The following HNF4G variants were observed in gnomAD, a reference collection of about 807,000 sequenced individuals.
The protein encoded by HNF4G is hepatocyte nuclear factor 4 gamma.
A neutral mutation model predicts 50.9 loss-of-function variants in HNF4G; 21 were observed. The observed-to-expected ratio is 0.41, with a 90% CI of 0.29 to 0.59. HNF4G has a LOEUF of 0.59. Among genes scored for constraint, HNF4G ranks in the 20% least tolerant of loss-of-function variants. HNF4G has a pLI of 0.26. For synonymous variants in HNF4G, 198 were observed against 185.6 expected (o/e 1.07, Z -0.54); for missense variants, 527 against 559.4 (o/e 0.94, Z 0.58).
upstream of HNF4G, among the ~76,000 whole-genome samples, chr8:75,537,410 GT>G (rs1222732676): frequency 3.3e-5 from 5 of 151,880 alleles, no homozygotes; most frequent in Admixed American, 2.0e-4. Context: ...CGCCTGTCTA[GT>G]TTTTTTGTAT....
chr8:75,419,936 GA>G lies in HNF4G; in HGVS notation c.-144+11776del, dbSNP rs145295036. ...CACTTAACTTTCATAGGATTCCTGA[GA>G]ATCTTCAGTTGAACAACATATATAA... is the stretch of plus-strand genomic sequence containing the variant. On this transcript the variant is annotated intron_variant, in intron 1 of 10. Transcript: ENST00000354370. Among the ~76,000 whole-genome samples the G allele has an allele frequency of 5.3e-3, 810 of 152,254 alleles. 8 individuals carry two copies. The highest frequency in any genetic ancestry group is 0.018 in the African/African-American group (753 of 41,548).
At chr8:75,514,470 A>G (rs1217086079) in intron 2 of HNF4G, among the ~76,000 whole-genome samples, 1 of 148,088 alleles carries the variant, frequency 6.8e-6, no homozygotes, top group African/African-American at 2.5e-5. Flanking sequence ...CTCCTGCCTC[A>G]GCCTCCCAAG....
intron 1 of HNF4G, among the ~76,000 whole-genome samples, chr8:75,419,310 T>C (rs1043737839): frequency 1.6e-4 from 25 of 152,316 alleles, no homozygotes; most frequent in African/African-American, 5.8e-4. Flanking sequence ...GTTCAGGTCC[T>C]CATACAGGCA....
chr8:75,474,139 C>T (rs982622658), intron 1 of HNF4G, among the ~76,000 whole-genome samples: 7 of 152,018 alleles, frequency 4.6e-5, no homozygotes, highest in Admixed American at 3.3e-4. Flanking sequence ...TTCCTTCTCC[C>T]CTGAAATCTA....
intron 1 of HNF4G, among the ~76,000 whole-genome samples, chr8:75,470,020 ATAC>A (rs1259446000): frequency 6.6e-6 from 1 of 152,172 alleles, no homozygotes; most frequent in East Asian, 1.9e-4. Context: ...ACTACATGGA[ATAC>A]TGACGTCAAA....
chr8:75,502,102 C>T (rs959123914), intron 2 of HNF4G, among the ~76,000 whole-genome samples: 12 of 152,278 alleles, frequency 7.9e-5, no homozygotes, highest in Middle Eastern at 6.8e-3. Context: ...CCACCTGCCT[C>T]GGCCTCCCAA....
intron 1 of HNF4G, among the ~76,000 whole-genome samples, chr8:75,443,139 G>C (rs976016324): frequency 1.3e-5 from 2 of 152,132 alleles, no homozygotes; most frequent in Non-Finnish European, 2.9e-5. Flanking sequence ...CCATGTGAGG[G>C]AACAGGAGAA....
At position 75,521,186 on chromosome 8, in the gene HNF4G, A is replaced by T. The variant is rs141457189; in HGVS notation, c.-23-22625A>T. The stretch of plus-strand genomic sequence containing the variant: ...TTTGGAGATTAATCAGATCAGGTTT[A>T]AAACTGTTAAAAAGTAACAAATATT... On this transcript the variant is annotated intron_variant, in intron 2 of 10. Transcript: ENST00000354370. Among the ~76,000 whole-genome samples, 56 of 152,336 alleles carry T rather than the reference A, an allele frequency of 3.7e-4. No homozygotes were observed. The East Asian group carries it at 8.5e-3, about 23-fold the overall frequency.
At chr8:75,413,317 A>C (rs1262315000) in intron 1 of HNF4G, among the ~76,000 whole-genome samples, 3 of 41,708 alleles carry the variant, frequency 7.2e-5, no homozygotes, top group East Asian at 8.0e-4. Context: ...AAGGGAGGGA[A>C]GGGGAGGGGA....
chr8:75,468,140 A>G (rs1812027248), intron 1 of HNF4G, among the ~76,000 whole-genome samples: 1 of 152,134 alleles, frequency 6.6e-6, no homozygotes, highest in Admixed American at 6.6e-5. Flanking sequence ...CACTATTCCA[A>G]TCGCTTGCAT....
intron 2 of HNF4G, among the ~76,000 whole-genome samples, chr8:75,494,300 G>GCA (rs755362411): frequency 0.16 from 12,248 of 76,470 alleles, 699 homozygotes; most frequent in Middle Eastern, 0.2. Flanking sequence ...CTCCCATACA[G>GCA]CACACACACA....
At chr8:75,509,488 G>A (rs1181894601) in intron 2 of HNF4G, among the ~76,000 whole-genome samples, 2 of 152,186 alleles carry the variant, frequency 1.3e-5, no homozygotes, top group Non-Finnish European at 2.9e-5. Context: ...TGGGACACAT[G>A]TATTTTAATA....
At chr8:75,438,131 T>G (rs953864341) in intron 1 of HNF4G, among the ~76,000 whole-genome samples, 2 of 152,190 alleles carry the variant, frequency 1.3e-5, no homozygotes, top group African/African-American at 4.8e-5. Context: ...CTAAATCAAT[T>G]TCACAACAGC....
intron 2 of HNF4G, among the ~76,000 whole-genome samples, chr8:75,496,690 G>A (rs796836958): frequency 6.6e-6 from 1 of 151,856 alleles, no homozygotes; most frequent in East Asian, 1.9e-4. Context: ...ATAATATTTG[G>A]TTTTTATTCC....
chr8:75,423,344 T>C (rs2130495523), intron 1 of HNF4G, among the ~76,000 whole-genome samples: 1 of 141,340 alleles, frequency 7.1e-6, no homozygotes, highest in Non-Finnish European at 1.5e-5. Context: ...TCTTTTTTTT[T>C]TTTTTTTTTT....
intron 9 of HNF4G, among the ~76,000 whole-genome samples, chr8:75,563,685 T>A (rs1807382746): frequency 6.6e-6 from 1 of 152,056 alleles, no homozygotes. Flanking sequence ...TGTTAGAGAA[T>A]CAAATGCTTA....
At chr8:75,535,336 G>A (rs1456693635), upstream of HNF4G, among the ~76,000 whole-genome samples, 7 of 137,082 alleles carry the variant, frequency 5.1e-5, no homozygotes, top group South Asian at 4.5e-4. Context: ...TAGGACAGTG[G>A]CAGCAAGGAA....
intron 1 of HNF4G, 25 bp downstream of exon 1, chr8:75,540,105 G>GA: frequency 8.0e-7 from 1 of 1,247,868 alleles, no homozygotes; most frequent in Non-Finnish European, 1.2e-6. Flanking sequence ...GTTTATAGAT[G>GA]TAAAGAAAAG....
chr8:75,492,102 C>A (rs778340714), intron 2 of HNF4G, among the ~76,000 whole-genome samples: 1 of 152,152 alleles, frequency 6.6e-6, no homozygotes, highest in Admixed American at 6.5e-5. Flanking sequence ...TGAAGGTAAT[C>A]GCTTTTAAGA....
Sources: gnomAD v4.1 joint callset for allele counts (sites outside exome capture counted in the v4.1 genomes callset) on GRCh38, gnomAD v4.1.1 for gene constraint, MANE v1.5 for transcripts, NCBI Gene and HGNC (gene_info 2026-07-23, HGNC 2026-07-21) for gene names.